Variants in WIPI1 observed in about 807,000 individuals in gnomAD.
WIPI1 encodes the protein WD repeat domain phosphoinositide-interacting protein 1.
Under a neutral mutation model 55.3 loss-of-function variants are expected in WIPI1, and 45 were observed. The observed-to-expected ratio is 0.81, with a 90% confidence interval of 0.64 to 1.04. The LOEUF (loss-of-function observed/expected upper bound fraction) is 1.04, where lower values mean the gene tolerates loss of function less well. WIPI1 is among the 50% of genes least tolerant of loss of function. The pLI, the probability that WIPI1 is intolerant of heterozygous loss-of-function variation, is 0.00. For synonymous variants in WIPI1, 195 were observed against 217.6 expected (o/e 0.90, Z 0.92); for missense variants, 445 against 559.0 (o/e 0.80, Z 2.06).
chr17:68,437,468 T>C (rs896374189), intron 4 of WIPI1, among the ~76,000 whole-genome samples: 1 of 151,694 alleles, frequency 6.6e-6, no homozygotes, highest in Non-Finnish European at 1.5e-5. Context: ...GGCAGGAGAA[T>C]TGCTTAAACC....
intron 12 of WIPI1, chr17:68,422,394 A>C (rs1174323290): frequency 6.8e-6 from 1 of 148,024 alleles, no homozygotes; most frequent in Non-Finnish European, 1.5e-5. Context: ...GCACCACTGC[A>C]CTCCAGCCTG....
intron 9 of WIPI1, among the ~76,000 whole-genome samples, chr17:68,429,362 T>G (rs998775145): frequency 2.0e-5 from 3 of 152,224 alleles, no homozygotes; most frequent in African/African-American, 7.2e-5. Context: ...TAAACTCCTT[T>G]AAACTTCTTA....
chr17:68,429,864 C>G (rs1368356972), intron 9 of WIPI1, 132 bp downstream of exon 9: 1 of 1,331,906 alleles, frequency 7.5e-7, no homozygotes, highest in Non-Finnish European at 1.1e-6. Context: ...TCCGGGATTA[C>G]AGATGTAAGC....
chr17:68,431,733 A>T (rs2083522243), intron 8 of WIPI1, among the ~76,000 whole-genome samples: 1 of 152,300 alleles, frequency 6.6e-6, no homozygotes, highest in African/African-American at 2.4e-5. Flanking sequence ...GGCACGTGTG[A>T]GCCGTAACCG....
chr17:68,448,493 T>C (rs2084373298), intron 3 of WIPI1: 1 of 152,058 alleles, frequency 6.6e-6, no homozygotes, highest in South Asian at 2.1e-4. Flanking sequence ...CTTTAGAAGG[T>C]GGGGGAGGAG....
Position 68,450,916 on chromosome 17 carries a change from G to A in WIPI1, c.164-19C>T, listed in dbSNP as rs763429609. On this transcript the variant is annotated intron_variant, in intron 2 of 12. Coordinates refer to ENST00000262139, the MANE Select transcript of WIPI1 (RefSeq NM_017983.7). ...ATTTCATCTGGGAGGAAAAGCAGCCGGGAGGTTACATGGATTGATCACTTC... is the reference window on the plus strand; with the variant it reads ...ATTTCATCTGGGAGGAAAAGCAGCCAGGAGGTTACATGGATTGATCACTTC... 5.6e-6 allele frequency: 9 copies of A among 1,606,664 alleles called. No individual in the cohort carries two copies. Among genetic ancestry groups the A allele is most frequent in the African/African-American group, 1.3e-5 (1 of 74,720 alleles).
At chr17:68,433,073 T>A (rs1400064977) in intron 8 of WIPI1, among the ~76,000 whole-genome samples, 2 of 152,256 alleles carry the variant, frequency 1.3e-5, no homozygotes, top group Non-Finnish European at 2.9e-5. Flanking sequence ...TATATTGTTA[T>A]ATTTACAGCT....
chr17:68,422,980 C>T (rs1331801917), intron 12 of WIPI1, among the ~76,000 whole-genome samples: 1 of 152,116 alleles, frequency 6.6e-6, no homozygotes, highest in African/African-American at 2.4e-5. Context: ...AAGCGTGATC[C>T]TACGCAGGGA....
chr17:68,436,323 T>G, intron 5 of WIPI1, 59 bp downstream of exon 5: 1 of 1,525,490 alleles, frequency 6.6e-7, no homozygotes, highest in Non-Finnish European at 9.1e-7. Flanking sequence ...ATCTATCTCC[T>G]TCCATGACCA....
chr17:68,423,853 G>T lies in WIPI1; in HGVS notation c.1294-2033C>A, dbSNP rs1266603100. Among the ~76,000 whole-genome samples, 4 of 152,162 alleles carry T rather than the reference G, an allele frequency of 2.6e-5. No individual in the cohort carries two copies. The highest frequency in any genetic ancestry group is 5.9e-5 in the Non-Finnish European group (4 of 68,026). Reference sequence around the variant, plus strand: ...CATTACCCCAATTCTGTAACTATAAGAGGTTGCAAGGCTTACTGCGATTAC... The same window carrying T: ...CATTACCCCAATTCTGTAACTATAATAGGTTGCAAGGCTTACTGCGATTAC... On this transcript the variant is annotated intron_variant, in intron 12 of 12. Transcript: ENST00000262139. The surrounding 1 kb of genome is among the most constrained non-coding windows in gnomAD (Gnocchi z 4.4).
intron 3 of WIPI1, among the ~76,000 whole-genome samples, chr17:68,446,498 T>C (rs994956347): frequency 6.6e-6 from 1 of 152,174 alleles, no homozygotes; most frequent in Admixed American, 6.5e-5. Flanking sequence ...CAGTTTTACC[T>C]AAGGCTCTGT....
At chr17:68,455,361 CAA>C (rs35004898) in intron 1 of WIPI1, among the ~76,000 whole-genome samples, 49 of 102,634 alleles carry the variant, frequency 4.8e-4, no homozygotes, top group African/African-American at 1.4e-3. Context: ...AAGACTGTCT[CAA>C]AAAAAAAAAA....
intron 3 of WIPI1, among the ~76,000 whole-genome samples, chr17:68,450,295 C>A (rs2084448077): frequency 6.6e-6 from 1 of 152,228 alleles, no homozygotes; most frequent in African/African-American, 2.4e-5. Context: ...AGGGAGCCCC[C>A]ACTTCACTCT....
chr17:68,449,333 C>T (rs927392347), intron 3 of WIPI1, among the ~76,000 whole-genome samples: 8 of 152,204 alleles, frequency 5.3e-5, no homozygotes, highest in East Asian at 1.9e-4. Context: ...ACAGTGCCTG[C>T]CTTCACAGTA....
At chr17:68,433,259 C>T (rs529037509) in intron 8 of WIPI1, among the ~76,000 whole-genome samples, 24 of 152,356 alleles carry the variant, frequency 1.6e-4, no homozygotes, top group African/African-American at 4.8e-4. Flanking sequence ...AGAGCCAGGA[C>T]GTGAACTCAC....
chr17:68,425,513 AC>A (rs753698121), intron 12 of WIPI1, among the ~76,000 whole-genome samples: 10 of 149,470 alleles, frequency 6.7e-5, no homozygotes, highest in Non-Finnish European at 1.3e-4. Context: ...GAGCCACCGC[AC>A]CCGGCCACTT....
chr17:68,430,933 A>ATTCT (rs1011472004), intron 8 of WIPI1, among the ~76,000 whole-genome samples: 3 of 152,160 alleles, frequency 2.0e-5, no homozygotes, highest in Non-Finnish European at 4.4e-5. Context: ...TCTGGGAGGT[A>ATTCT]TTCTTTACTA....
intron 4 of WIPI1, among the ~76,000 whole-genome samples, chr17:68,437,967 A>AAAAAAAG: frequency 7.4e-6 from 1 of 135,632 alleles, no homozygotes; most frequent in African/African-American, 2.7e-5. Flanking sequence ...AAAAAAAAAA[A>AAAAAAAG]AAAAAAGTGA....
chr17:68,424,285 C>T lies in WIPI1; in HGVS notation c.1293+1790G>A, dbSNP rs80130707. On this transcript the variant is annotated intron_variant, in intron 12 of 12. Coordinates refer to ENST00000262139, the MANE Select transcript of WIPI1 (RefSeq NM_017983.7). ...TGAAAGCCAGAAATGTAAAAGCTCA[C>T]GCTGCGACCGACCCGCAGAGCCGAT... 2.6e-3 allele frequency among the ~76,000 whole-genome samples: 390 copies of T among 152,294 alleles called. 2 individuals are homozygous for T. The highest frequency in any genetic ancestry group is 8.9e-3 in the African/African-American group (371 of 41,568).
Sources: allele counts gnomAD v4.1 joint callset (sites outside exome capture counted in the v4.1 genomes callset), GRCh38; gene constraint gnomAD v4.1.1; non-coding constraint Gnocchi (gnomAD v3.1); transcripts MANE v1.5; gene names NCBI Gene and HGNC (gene_info 2026-07-23, HGNC 2026-07-21).